The following RBFOX1 variants were observed in gnomAD, a reference collection of about 807,000 sequenced individuals.
RBFOX1 encodes RNA binding protein fox-1 homolog 1.
Under a neutral mutation model 57.7 loss-of-function variants are expected in RBFOX1, and 8 were observed. The ratio of observed to expected loss-of-function variants is 0.14; its 90% CI spans 0.08 to 0.25. The LOEUF (loss-of-function observed/expected upper bound fraction) is 0.25, where lower values mean the gene tolerates loss of function less well. Ranked by LOEUF, RBFOX1 falls within the 10% of genes least tolerant of loss-of-function variation. The pLI is 1.00. For missense variants in RBFOX1, 611 were observed against 548.5 expected, an observed-to-expected ratio of 1.11 and a Z score of -1.14; for synonymous variants, 326 against 222.4, an observed-to-expected ratio of 1.47 and a Z score of -4.15.
chr16:5,307,687 C>T (rs370876187), intron 1 of RBFOX1, among the ~76,000 whole-genome samples: 1 of 152,096 alleles, frequency 6.6e-6, no homozygotes, highest in Non-Finnish European at 1.5e-5. Flanking sequence ...ATTATTACTA[C>T]TTTTTAGAGA....
chr16:5,820,956 C>T (rs572728381), intron 3 of RBFOX1, among the ~76,000 whole-genome samples: 204 of 152,304 alleles, frequency 1.3e-3, no homozygotes, highest in Non-Finnish European at 2.2e-3. Flanking sequence ...ACAGTGCCCT[C>T]CCTGTGAGCC....
At chr16:7,041,588 C>T (rs1245960758) in intron 3 of RBFOX1, among the ~76,000 whole-genome samples, 4 of 152,152 alleles carry the variant, frequency 2.6e-5, no homozygotes, top group African/African-American at 4.8e-5. Flanking sequence ...GGAAGTTCTA[C>T]ATAGTGATAA....
intron 3 of RBFOX1, among the ~76,000 whole-genome samples, chr16:6,762,756 C>A (rs373327796): frequency 1.1e-4 from 16 of 151,492 alleles, no homozygotes; most frequent in Middle Eastern, 3.4e-3. Flanking sequence ...AAGAGCCTTA[C>A]CCCAAGGGGA....
chr16:7,489,443 G>T (rs951303979), intron 4 of RBFOX1, among the ~76,000 whole-genome samples: 3 of 152,078 alleles, frequency 2.0e-5, no homozygotes, highest in Admixed American at 2.0e-4. Context: ...ATAGTCTTAT[G>T]TTGTAGCTTC....
chr16:6,143,468 A>G (rs2096734120), intron 1 of RBFOX1, among the ~76,000 whole-genome samples: 1 of 152,172 alleles, frequency 6.6e-6, no homozygotes, highest in Admixed American at 6.5e-5. Context: ...TCACAAAATG[A>G]AGGCTGTCCT....
At chr16:7,706,895 A>G (rs2082630415) in intron 14 of RBFOX1, among the ~76,000 whole-genome samples, 1 of 152,164 alleles carries the variant, frequency 6.6e-6, no homozygotes, top group Admixed American at 6.5e-5. Flanking sequence ...AGCTCTCTGA[A>G]TATATTATTA....
intron 4 of RBFOX1, among the ~76,000 whole-genome samples, chr16:7,289,429 A>C (rs1287385394): frequency 1.3e-5 from 2 of 152,146 alleles, no homozygotes; most frequent in Admixed American, 1.3e-4. Flanking sequence ...CATCACCATC[A>C]CCATCATCAT....
intron 3 of RBFOX1, among the ~76,000 whole-genome samples, chr16:5,788,427 G>A (rs1213683132): frequency 6.6e-6 from 1 of 152,120 alleles, no homozygotes; most frequent in Non-Finnish European, 1.5e-5. Context: ...TCAGGAGTTT[G>A]AGATCAGCCT....
intron 4 of RBFOX1, among the ~76,000 whole-genome samples, chr16:7,409,697 C>G (rs1356757323): frequency 6.6e-6 from 1 of 152,192 alleles, no homozygotes; most frequent in African/African-American, 2.4e-5. Context: ...TCCCTTAACC[C>G]CATCACCACC....
chr16:7,416,204 T>C (rs1169027862), intron 4 of RBFOX1, among the ~76,000 whole-genome samples: 1 of 152,134 alleles, frequency 6.6e-6, no homozygotes, highest in African/African-American at 2.4e-5. Flanking sequence ...ACAGATTCAA[T>C]AAAAGGAAAT....
intron 3 of RBFOX1, among the ~76,000 whole-genome samples, chr16:6,762,888 G>C (rs1016495713): frequency 6.6e-6 from 1 of 152,082 alleles, no homozygotes; most frequent in African/African-American, 2.4e-5. Flanking sequence ...GGAGTAAGTG[G>C]GTACAAAGAG....
intron 3 of RBFOX1, among the ~76,000 whole-genome samples, chr16:5,624,389 G>A (rs998567126): frequency 6.6e-6 from 1 of 152,186 alleles, no homozygotes; most frequent in East Asian, 1.9e-4. Flanking sequence ...AGTAGAGACA[G>A]GGTTTCACCG....
chr16:5,295,740 C>A (rs1473155521), intron 1 of RBFOX1, among the ~76,000 whole-genome samples: 2 of 152,192 alleles, frequency 1.3e-5, no homozygotes, highest in Admixed American at 6.5e-5. Context: ...CATCCCATCA[C>A]CTCTGCCATA....
chr16:5,965,689 C>T (rs1226157154), intron 4 of RBFOX1, among the ~76,000 whole-genome samples: 1 of 152,158 alleles, frequency 6.6e-6, no homozygotes, highest in Non-Finnish European at 1.5e-5. Flanking sequence ...GTCCCTAAAC[C>T]CTGCCTCATC....
At chr16:7,034,977 A>T (rs780620387) in intron 3 of RBFOX1, among the ~76,000 whole-genome samples, 1 of 149,990 alleles carries the variant, frequency 6.7e-6, no homozygotes, top group African/African-American at 2.5e-5. Flanking sequence ...GCCTCTGAGT[A>T]GCTGGGCCTA....
At chr16:7,271,673 C>G (rs2095321656) in intron 4 of RBFOX1, among the ~76,000 whole-genome samples, 1 of 152,166 alleles carries the variant, frequency 6.6e-6, no homozygotes, top group East Asian at 1.9e-4. Flanking sequence ...GCTCAAATGC[C>G]AGATGTCGGG....
In RBFOX1 at chr16:6,645,539, C is replaced by T. The variant is rs1259787496; in HGVS notation, c.-63-9064C>T. On this transcript the variant is annotated intron_variant, in intron 2 of 15. Transcript: ENST00000550418. Reference sequence around the variant, plus strand: ...ACCTACAAAAATTATCAAAAACAACCAACACACCAAGTGTAGAAGAAAAGA... The same window carrying T: ...ACCTACAAAAATTATCAAAAACAACTAACACACCAAGTGTAGAAGAAAAGA... Among the ~76,000 whole-genome samples, 6 of 152,102 alleles carry T rather than the reference C, an allele frequency of 3.9e-5. 1 individual carries two copies. The highest frequency in any genetic ancestry group is 4.1e-4 in the South Asian group (2 of 4,824).
chr16:7,535,097 A>T (rs1308067447), intron 5 of RBFOX1, among the ~76,000 whole-genome samples: 1 of 152,190 alleles, frequency 6.6e-6, no homozygotes, highest in Non-Finnish European at 1.5e-5. Flanking sequence ...CTCTTTTATT[A>T]ACCGCTTTTA....
intron 1 of RBFOX1, among the ~76,000 whole-genome samples, chr16:6,045,234 C>T (rs967472414): frequency 6.6e-6 from 1 of 152,202 alleles, no homozygotes; most frequent in Admixed American, 6.5e-5. Flanking sequence ...GATGCTACTG[C>T]TGCTGACCTG....
Sources: gnomAD v4.1 joint callset for allele counts (sites outside exome capture counted in the v4.1 genomes callset) on GRCh38, gnomAD v4.1.1 for gene constraint, MANE v1.5 for transcripts, NCBI Gene and HGNC (gene_info 2026-07-23, HGNC 2026-07-21) for gene names.